Variants in EBF2 observed in about 807,000 individuals in gnomAD.
The protein encoded by EBF2 is EBF transcription factor 2.
A neutral mutation model predicts 72.8 loss-of-function variants in EBF2; 21 were observed. The ratio of observed to expected loss-of-function variants is 0.29; its 90% CI spans 0.20 to 0.42. The LOEUF (loss-of-function observed/expected upper bound fraction) is 0.42, where lower values mean the gene tolerates loss of function less well. Ranked by LOEUF, EBF2 falls within the 10% of genes least tolerant of loss-of-function variation. The pLI is 1.00. For missense variants in EBF2, 637 were observed against 731.2 expected (o/e 0.87, Z 1.49); for synonymous variants, 299 against 274.2 (o/e 1.09, Z -0.89).
chr8:25,956,427 T>C (rs1803949419), intron 6 of EBF2, among the ~76,000 whole-genome samples: 1 of 152,052 alleles, frequency 6.6e-6, no homozygotes, highest in African/African-American at 2.4e-5. Flanking sequence ...AAATTATTAT[T>C]ATTATAATGA....
At chr8:25,978,994 C>T (rs767128663) in intron 6 of EBF2, among the ~76,000 whole-genome samples, 1 of 152,134 alleles carries the variant, frequency 6.6e-6, no homozygotes, top group Non-Finnish European at 1.5e-5. Context: ...ACGCAGCACC[C>T]TTAATCTTGT....
chr8:26,026,885 A>T (rs919567331), intron 6 of EBF2, among the ~76,000 whole-genome samples: 2 of 152,214 alleles, frequency 1.3e-5, no homozygotes, highest in African/African-American at 4.8e-5. Flanking sequence ...ACTCCTTCAA[A>T]CTTGAGACTT....
At chr8:25,905,954 A>C (rs1157281855) in intron 7 of EBF2, among the ~76,000 whole-genome samples, 1 of 152,234 alleles carries the variant, frequency 6.6e-6, no homozygotes, top group African/African-American at 2.4e-5. Flanking sequence ...TTGTCTTTGC[A>C]AAAGTCAAAT....
At chr8:25,859,633 A>G (rs891563310) in intron 13 of EBF2, among the ~76,000 whole-genome samples, 1 of 152,162 alleles carries the variant, frequency 6.6e-6, no homozygotes, top group Non-Finnish European at 1.5e-5. Context: ...AAACAACCCA[A>G]ATTTGTCACC....
Position 26,028,388 on chromosome 8 carries a change from T to C in EBF2, c.551+4697A>G, listed in dbSNP as rs1461291831. On this transcript the variant is annotated intron_variant, in intron 6 of 15. Coordinates refer to ENST00000520164, the MANE Select transcript of EBF2 (RefSeq NM_022659.4). ...GGATATTTAGCGTGTGAGAAATAGG[T>C]TGGACCTCCTCTTTATTTATTTACT... Among the ~76,000 whole-genome samples the C allele has an allele frequency of 2.0e-5, 3 of 152,188 alleles. No individual in the cohort carries two copies. In the East Asian group the frequency reaches 5.8e-4, roughly 29 times the overall value.
intron 14 of EBF2, among the ~76,000 whole-genome samples, chr8:25,854,082 A>T (rs898462084): frequency 6.6e-6 from 1 of 152,164 alleles, no homozygotes; most frequent in African/African-American, 2.4e-5. Context: ...ATTACATTTT[A>T]AAAATGGAAA....
intron 6 of EBF2, among the ~76,000 whole-genome samples, chr8:25,941,801 C>T (rs943499882): frequency 6.6e-6 from 1 of 152,200 alleles, no homozygotes; most frequent in Non-Finnish European, 1.5e-5. Flanking sequence ...TATATAAAAC[C>T]TCCTGCTCTC....
At chr8:25,931,953 A>G (rs1026179507) in intron 6 of EBF2, among the ~76,000 whole-genome samples, 2 of 152,148 alleles carry the variant, frequency 1.3e-5, no homozygotes, top group African/African-American at 4.8e-5. Context: ...TATTACTGCA[A>G]TGTCAGCTGT....
chr8:25,863,621 GAATGA>G (rs1375744232), intron 10 of EBF2, among the ~76,000 whole-genome samples: 3 of 151,988 alleles, frequency 2.0e-5, no homozygotes, highest in African/African-American at 7.2e-5. Context: ...AAGATACAAA[GAATGA>G]AATAATCACC....
In EBF2 at chr8:25,851,890, C is replaced by T. The variant is rs144167477; in HGVS notation, c.1529-1129G>A. On this transcript the variant is annotated intron_variant, in intron 14 of 15. Transcript: ENST00000520164. ...GTTCTGATGTCCATGGACAACTCCA[C>T]CCTCATTTCCCCTCCTTCCCTATAA... Among the ~76,000 whole-genome samples, 500 of 152,186 alleles carry T rather than the reference C, an allele frequency of 3.3e-3. 3 individuals are homozygous for T. The highest frequency in any genetic ancestry group is 0.011 in the African/African-American group (443 of 41,550).
rs11135911 is a variant in EBF2 at position 26,044,655 on chromosome 8, C to CGG, written c.131+72_131+73dup. On this transcript the variant is annotated intron_variant, in intron 1 of 15. Coordinates refer to ENST00000520164, the MANE Select transcript of EBF2 (RefSeq NM_022659.4). The surrounding 1 kb of genome is among the most constrained non-coding windows in gnomAD (Gnocchi z 4.1). ...GGGAGAGAGAAAGGCACGGGGTGCG[C>CGG]GGGGGGGGTGCACACGGAGAGACAG... is the stretch of plus-strand genomic sequence containing the variant. The CGG allele has an allele frequency of 7.7e-5, 118 of 1,540,264 alleles. No homozygotes were observed. The highest frequency in any genetic ancestry group is 9.6e-5 in the African/African-American group (7 of 72,772).
chr8:26,018,084 G>A (rs1476879157), intron 6 of EBF2, among the ~76,000 whole-genome samples: 1 of 151,694 alleles, frequency 6.6e-6, no homozygotes, highest in East Asian at 1.9e-4. Context: ...GATCCCTAGG[G>A]AGACAACGGA....
intron 6 of EBF2, among the ~76,000 whole-genome samples, chr8:26,001,007 A>G (rs1221964101): frequency 6.6e-6 from 1 of 152,276 alleles, no homozygotes; most frequent in Non-Finnish European, 1.5e-5. Context: ...AAATGTTAAC[A>G]TAAGCTTGAG....
chr8:26,012,463 A>G (rs780930695), intron 6 of EBF2, among the ~76,000 whole-genome samples: 7 of 152,214 alleles, frequency 4.6e-5, no homozygotes, highest in Non-Finnish European at 1.0e-4. Context: ...CCTGATACAT[A>G]CTAAATTTAT....
At chr8:26,004,048 G>C (rs560567305) in intron 6 of EBF2, among the ~76,000 whole-genome samples, 2 of 151,078 alleles carry the variant, frequency 1.3e-5, no homozygotes, top group Admixed American at 6.6e-5. Flanking sequence ...TCTAGGTGTC[G>C]TTTAATTATT....
intron 6 of EBF2, among the ~76,000 whole-genome samples, chr8:25,917,443 G>A (rs2117130594): frequency 6.6e-6 from 1 of 152,244 alleles, no homozygotes; most frequent in East Asian, 1.9e-4. Flanking sequence ...AATGTCTTTG[G>A]AGGGCTCTTT....
At chr8:25,940,643 A>C (rs28548745) in intron 6 of EBF2, among the ~76,000 whole-genome samples, 4,734 of 151,836 alleles carry the variant, frequency 0.031, 185 homozygotes, top group African/African-American at 0.089. Flanking sequence ...TAAAAAAAAA[A>C]CCACAAAACC....
intron 6 of EBF2, chr8:26,032,693 T>A (rs925242558): frequency 1.1e-5 from 2 of 185,906 alleles, no homozygotes; most frequent in African/African-American, 4.7e-5. Context: ...GAATTGATAA[T>A]CTTCCAGCCA....
chr8:25,876,332 T>A (rs1339900410), intron 10 of EBF2, among the ~76,000 whole-genome samples: 2 of 152,138 alleles, frequency 1.3e-5, no homozygotes, highest in Admixed American at 1.3e-4. Flanking sequence ...AGGTGATGGG[T>A]CGATCTGTGC....
Sources: gnomAD v4.1 joint callset for allele counts (sites outside exome capture counted in the v4.1 genomes callset) on GRCh38, gnomAD v4.1.1 for gene constraint, Gnocchi (gnomAD v3.1) non-coding constraint, MANE v1.5 for transcripts, NCBI Gene and HGNC (gene_info 2026-07-23, HGNC 2026-07-21) for gene names.